Variants in SDHAF4 observed in about 807,000 individuals in gnomAD.
SDHAF4 encodes succinate dehydrogenase assembly factor 4, mitochondrial.
In SDHAF4, 14 loss-of-function variants were observed where a neutral mutation model predicts 14.3. The ratio of observed to expected loss-of-function variants is 0.98; its 90% CI spans 0.65 to 1.53. SDHAF4 has a LOEUF of 1.53. Among genes scored for constraint, SDHAF4 ranks in the 40% most tolerant of loss-of-function variants. SDHAF4 has a pLI of 0.00. For synonymous variants in SDHAF4, 63 were observed against 47.3 expected, an observed-to-expected ratio of 1.33 and a Z score of -1.36; for missense variants, 141 against 129.3, an observed-to-expected ratio of 1.09 and a Z score of -0.44.
chr6:70,581,896 A>G (rs1406619200), intron 2 of SDHAF4, among the ~76,000 whole-genome samples: 1 of 152,090 alleles, frequency 6.6e-6, no homozygotes, highest in Non-Finnish European at 1.5e-5. Flanking sequence ...AGTATGAGCC[A>G]CCATTCCTGG....
chr6:70,579,420 C>A lies in SDHAF4; in HGVS notation c.71C>A (p.Pro24His), dbSNP rs1049894046. 41 of 1,589,228 alleles carry A rather than the reference C, an allele frequency of 2.6e-5. No homozygotes were observed. The highest frequency in any genetic ancestry group is 3.4e-5 in the Non-Finnish European group (40 of 1,167,672). Residue 24 changes from proline (P) to histidine (H), a missense_variant, in exon 2 of 3, where the codon CCC becomes CAC. By Grantham distance (77) the Pro-to-His change is moderately conservative. Transcript: ENST00000370474. Reference protein sequence around the residue: ...SATAWRAARSPLLCHSLRKTS... With the variant: ...SATAWRAARSHLLCHSLRKTS... ...ATTATCTCCACTCTTCTAGGATCAC[C>A]CCTTCTGTGTCATTCTCTGAGGAAA...
intron 2 of SDHAF4, among the ~76,000 whole-genome samples, chr6:70,580,095 A>ATGTG (rs1198871063): frequency 6.6e-6 from 1 of 151,408 alleles, no homozygotes; most frequent in Admixed American, 6.6e-5. Flanking sequence ...TATTATATGT[A>ATGTG]TGTGTGTGTG....
At chr6:70,579,901 T>C (rs1802299586) in intron 2 of SDHAF4, among the ~76,000 whole-genome samples, 1 of 152,164 alleles carries the variant, frequency 6.6e-6, no homozygotes. Flanking sequence ...GTATCAAAGA[T>C]CTTATGTGAA....
intron 1 of SDHAF4, among the ~76,000 whole-genome samples, chr6:70,569,814 C>G (rs1432370724): frequency 6.6e-6 from 1 of 152,070 alleles, no homozygotes; most frequent in South Asian, 2.1e-4. Context: ...AGAAACCCTT[C>G]TGTACCCTAA....
intron 1 of SDHAF4, among the ~76,000 whole-genome samples, chr6:70,572,126 T>C (rs1802189137): frequency 7.4e-6 from 1 of 135,022 alleles, no homozygotes; most frequent in Non-Finnish European, 1.5e-5. Context: ...TGGAGCGCAG[T>C]GGTGCGATCT....
At chr6:70,593,331 C>T (rs185715718), downstream of SDHAF4, among the ~76,000 whole-genome samples, 6 of 152,344 alleles carry the variant, frequency 3.9e-5, no homozygotes, top group East Asian at 1.9e-4. Context: ...TGTGGGCCCA[C>T]GCAGAGACTT....
downstream of SDHAF4, among the ~76,000 whole-genome samples, chr6:70,591,803 C>T (rs879288254): frequency 1.6e-4 from 24 of 152,138 alleles, no homozygotes; most frequent in Non-Finnish European, 2.4e-4. Flanking sequence ...GAAAATTTGT[C>T]GCCTCCAAAA....
Position 70,579,478 on chromosome 6 carries a change from T to G in SDHAF4, c.129T>G (p.Leu43=). The G allele has an allele frequency of 6.2e-7, 1 of 1,611,740 alleles. No individual in the cohort carries two copies. The highest frequency in any genetic ancestry group is 1.1e-5 in the South Asian group (1 of 90,724). Residue 43 remains leucine, a synonymous_variant, in exon 2 of 3, where the codon CTT becomes CTG. Coordinates refer to ENST00000370474, the MANE Select transcript of SDHAF4 (RefSeq NM_145267.3). ...TSSSQGGKSE[L]VKQSLKKPKL... Reference sequence around the variant, plus strand: ...CTTCTCAAGGAGGAAAGTCTGAACTTGTCAAACAGTCCCTTAAGAAGCCGA... The same window carrying G: ...CTTCTCAAGGAGGAAAGTCTGAACTGGTCAAACAGTCCCTTAAGAAGCCGA...
chr6:70,593,550 A>T (rs1765276930), downstream of SDHAF4, among the ~76,000 whole-genome samples: 4 of 152,222 alleles, frequency 2.6e-5, no homozygotes, highest in Non-Finnish European at 5.9e-5. Context: ...CCAACCTGTG[A>T]GAGTAGCCAT....
intron 2 of SDHAF4, among the ~76,000 whole-genome samples, chr6:70,584,511 C>G (rs2128535834): frequency 6.6e-6 from 1 of 152,272 alleles, no homozygotes; most frequent in South Asian, 2.1e-4. Flanking sequence ...TCTTTGGTGT[C>G]TGGTTCCTTT....
intron 1 of SDHAF4, among the ~76,000 whole-genome samples, chr6:70,573,521 C>CA (rs1403941287): frequency 6.6e-6 from 1 of 151,882 alleles, no homozygotes; most frequent in Non-Finnish European, 1.5e-5. Context: ...GCCTCAGCCT[C>CA]CCAAATTGCT....
intron 2 of SDHAF4, among the ~76,000 whole-genome samples, chr6:70,581,525 C>T (rs891319820): frequency 1.3e-5 from 2 of 152,124 alleles, no homozygotes. Flanking sequence ...TTAACTATTG[C>T]TTCTGGAAAT....
intron 1 of SDHAF4, among the ~76,000 whole-genome samples, chr6:70,571,337 G>A (rs568405097): frequency 6.6e-6 from 1 of 152,012 alleles, no homozygotes; most frequent in Non-Finnish European, 1.5e-5. Context: ...TGTTGTATTT[G>A]TTGTGCTTAT....
At chr6:70,572,449 A>G (rs1479392591) in intron 1 of SDHAF4, among the ~76,000 whole-genome samples, 2 of 152,192 alleles carry the variant, frequency 1.3e-5, no homozygotes, top group Non-Finnish European at 2.9e-5. Context: ...ATCACAAATA[A>G]TAGATATGTG....
chr6:70,583,207 G>A (rs1765155426), intron 2 of SDHAF4, among the ~76,000 whole-genome samples: 1 of 152,180 alleles, frequency 6.6e-6, no homozygotes, highest in Admixed American at 6.5e-5. Flanking sequence ...CCGCCTCCCG[G>A]GTTCAAGCGA....
the SDHAF4 span, among the ~76,000 whole-genome samples, chr6:70,594,683 C>T: frequency 5.7e-3 from 868 of 152,242 alleles, 4 homozygotes; most frequent in African/African-American, 0.02. Flanking sequence ...GAGGCCAAGG[C>T]GGGTATATCA....
chr6:70,568,962 C>CTTTTTTTTTTTTTTTTTTTTTTTTT (rs5877254), intron 1 of SDHAF4, among the ~76,000 whole-genome samples: 2 of 98,000 alleles, frequency 2.0e-5, no homozygotes, highest in African/African-American at 8.4e-5. Flanking sequence ...TTTCTTTTTT[C>CTTTTTTTTTTTTTTTTTTTTTTTTT]TTTTTTTTTT....
At chr6:70,581,090 G>A (rs1802315427) in intron 2 of SDHAF4, among the ~76,000 whole-genome samples, 1 of 151,848 alleles carries the variant, frequency 6.6e-6, no homozygotes, top group Non-Finnish European at 1.5e-5. Flanking sequence ...CCACCACACT[G>A]GCTCATTGTT....
chr6:70,574,249 G>A (rs1426704979), intron 1 of SDHAF4, among the ~76,000 whole-genome samples: 1 of 152,006 alleles, frequency 6.6e-6, no homozygotes, highest in Non-Finnish European at 1.5e-5. Context: ...GATCCCGGGA[G>A]GTGGAGGTTG....
Sources: allele counts gnomAD v4.1 joint callset (sites outside exome capture counted in the v4.1 genomes callset), GRCh38; gene constraint gnomAD v4.1.1; transcripts MANE v1.5; gene names NCBI Gene and HGNC (gene_info 2026-07-23, HGNC 2026-07-21).